PAPPA2: variants seen among roughly 807,000 people sequenced by gnomAD.
The protein encoded by PAPPA2 is pappalysin 2.
A neutral mutation model predicts 176.4 loss-of-function variants in PAPPA2; 86 were observed. The ratio of observed to expected loss-of-function variants is 0.49; its 90% CI spans 0.41 to 0.58. The LOEUF is 0.58. Ranked by LOEUF, PAPPA2 falls within the 20% of genes least tolerant of loss-of-function variation. The pLI is 0.00. For missense variants in PAPPA2, 2,073 were observed against 2,256.9 expected (o/e 0.92, Z 1.65); for synonymous variants, 809 against 852.2 (o/e 0.95, Z 0.88).
chr1:176,521,848 A>G (rs532000048), intron 1 of PAPPA2, among the ~76,000 whole-genome samples: 1 of 152,252 alleles, frequency 6.6e-6, no homozygotes, highest in Admixed American at 6.5e-5. Context: ...CTTTGATGAG[A>G]CTGAAGGTGA....
chr1:176,498,293 C>T (rs896294065), intron 1 of PAPPA2, among the ~76,000 whole-genome samples: 6 of 152,250 alleles, frequency 3.9e-5, no homozygotes, highest in African/African-American at 1.4e-4. Context: ...TCTCCAGGTC[C>T]CACTCTGGGA....
At chr1:176,599,922 TC>T (rs1573105322) in intron 3 of PAPPA2, among the ~76,000 whole-genome samples, 1 of 152,134 alleles carries the variant, frequency 6.6e-6, no homozygotes, top group African/African-American at 2.4e-5. Flanking sequence ...AGAGAGGTTT[TC>T]TTTCTTCTCA....
intron 12 of PAPPA2, among the ~76,000 whole-genome samples, chr1:176,725,788 T>G (rs1238379388): frequency 6.6e-6 from 1 of 152,216 alleles, no homozygotes; most frequent in South Asian, 2.1e-4. Context: ...GAGTTTTCTT[T>G]TCTTTTTTTT....
chr1:176,676,489 G>A (rs1659306305), intron 4 of PAPPA2, among the ~76,000 whole-genome samples: 2 of 151,914 alleles, frequency 1.3e-5, no homozygotes, highest in South Asian at 2.1e-4. Context: ...AACTTACATG[G>A]TGTAACATTT....
chr1:176,607,242 T>A (rs951896864), intron 3 of PAPPA2, among the ~76,000 whole-genome samples: 1 of 152,180 alleles, frequency 6.6e-6, no homozygotes, highest in African/African-American at 2.4e-5. Flanking sequence ...TCCCAGCTGC[T>A]TTAAAATATA....
intron 2 of PAPPA2, among the ~76,000 whole-genome samples, chr1:176,572,416 T>C (rs764872912): frequency 1.3e-5 from 2 of 152,096 alleles, no homozygotes; most frequent in Non-Finnish European, 2.9e-5. Context: ...CTCACCTGGG[T>C]TCAATTTGAG....
chr1:176,636,699 A>G (rs1356241354), intron 3 of PAPPA2, among the ~76,000 whole-genome samples: 1 of 152,192 alleles, frequency 6.6e-6, no homozygotes, highest in Non-Finnish European at 1.5e-5. Context: ...TGTATTTTTA[A>G]ACAAATTTCA....
intron 1 of PAPPA2, among the ~76,000 whole-genome samples, chr1:176,525,964 A>G (rs1649479687): frequency 6.6e-6 from 1 of 152,062 alleles, no homozygotes; most frequent in Non-Finnish European, 1.5e-5. Context: ...TAGGATCTGT[A>G]TTTTACGATG....
rs567702335 is a variant in PAPPA2 at position 176,584,216 on chromosome 1, G to A, written c.920-10308G>A. ...CAGTTCAAATTTTATGGGCTTTTTAGTTGATATTACATCTAGTTGATCTGT... is the reference window on the plus strand; with the variant it reads ...CAGTTCAAATTTTATGGGCTTTTTAATTGATATTACATCTAGTTGATCTGT... On this transcript the variant is annotated intron_variant, in intron 2 of 22. Coordinates refer to ENST00000367662, the MANE Select transcript of PAPPA2 (RefSeq NM_020318.3). Among the ~76,000 whole-genome samples, 56 of 152,204 alleles carry A rather than the reference G, an allele frequency of 3.7e-4. 1 individual carries two copies. The highest frequency in any genetic ancestry group is 1.4e-3 in the Admixed American group (21 of 15,286).
At chr1:176,597,900 T>C (rs16849993) in intron 3 of PAPPA2, among the ~76,000 whole-genome samples, 5,793 of 152,084 alleles carry the variant, frequency 0.038, 368 homozygotes, top group African/African-American at 0.13. Context: ...CTCCTCAGAG[T>C]TTCCCTTTAT....
At chr1:176,771,227 T>C in intron 17 of PAPPA2, 47 bp downstream of exon 17, 1 of 1,566,644 alleles carries the variant, frequency 6.4e-7, no homozygotes, top group African/African-American at 1.4e-5. Context: ...ACCTCGCTGC[T>C]TGTTATGTTT....
chr1:176,829,417 C>G (rs1557898025), intron 21 of PAPPA2, among the ~76,000 whole-genome samples: 1 of 152,210 alleles, frequency 6.6e-6, no homozygotes, highest in Non-Finnish European at 1.5e-5. Flanking sequence ...CTCAGGGAGC[C>G]AAGAAATGCT....
At chr1:176,502,648 A>G (rs1042839292) in intron 1 of PAPPA2, among the ~76,000 whole-genome samples, 4 of 152,198 alleles carry the variant, frequency 2.6e-5, no homozygotes, top group Admixed American at 6.6e-5. Context: ...CAACAGTGCA[A>G]TCTCTCCATA....
At chr1:176,723,810 T>C (rs1328563451) in intron 12 of PAPPA2, among the ~76,000 whole-genome samples, 4 of 152,166 alleles carry the variant, frequency 2.6e-5, no homozygotes, top group African/African-American at 9.7e-5. Flanking sequence ...TATAATAAAA[T>C]GTAGAGTCTT....
At chr1:176,680,923 G>A (rs1659556352) in intron 4 of PAPPA2, among the ~76,000 whole-genome samples, 1 of 152,174 alleles carries the variant, frequency 6.6e-6, no homozygotes. Context: ...AATAAATAAG[G>A]AGATGGGGAA....
At chr1:176,802,447 T>C (rs1229582897) in intron 21 of PAPPA2, among the ~76,000 whole-genome samples, 2 of 152,276 alleles carry the variant, frequency 1.3e-5, no homozygotes, top group African/African-American at 4.8e-5. Flanking sequence ...AATTCTTTAC[T>C]GGAAAAAGTC....
chr1:176,711,840 C>T lies in PAPPA2; in HGVS notation c.3657C>T (p.Cys1219=), dbSNP rs776094265. The T allele has an allele frequency of 1.2e-6, 2 of 1,601,402 alleles. No individual in the cohort carries two copies. Among genetic ancestry groups the T allele is most frequent in the South Asian group, 2.2e-5 (2 of 90,700 alleles). ...LVTGEPHSLI[C]TSYHPDLPNH... ...TGGTTGAAATTGTATTTCAGATTTG[C>T]ACATCATACCATCCAGATTTACCCA... The change falls in exon 12 of 23, where the codon TGC becomes TGT. Residue 1219 remains cysteine (C), a synonymous_variant. Coordinates refer to ENST00000367662, the MANE Select transcript of PAPPA2 (RefSeq NM_020318.3).
chr1:176,472,499 C>G (rs1044701621), intron 1 of PAPPA2, among the ~76,000 whole-genome samples: 11 of 152,098 alleles, frequency 7.2e-5, no homozygotes, highest in African/African-American at 2.4e-4. Context: ...ATATTTTCTG[C>G]CCCAAACATG....
At chr1:176,638,933 C>CGTGT (rs1558489541) in intron 3 of PAPPA2, among the ~76,000 whole-genome samples, 2 of 127,308 alleles carry the variant, frequency 1.6e-5, no homozygotes, top group African/African-American at 6.4e-5. Context: ...TGTGCATGTG[C>CGTGT]ATGTGCGTGT....
Sources: allele counts gnomAD v4.1 joint callset (sites outside exome capture counted in the v4.1 genomes callset), GRCh38; gene constraint gnomAD v4.1.1; transcripts MANE v1.5; gene names NCBI Gene and HGNC (gene_info 2026-07-23, HGNC 2026-07-21).